Variants in RNF152 observed in about 807,000 individuals in gnomAD.
The protein encoded by RNF152 is ring finger protein 152.
A neutral mutation model predicts 12.7 loss-of-function variants in RNF152; 11 were observed. The observed-to-expected ratio is 0.86, with a 90% CI of 0.54 to 1.43. The LOEUF (loss-of-function observed/expected upper bound fraction) is 1.43, where lower values mean the gene tolerates loss of function less well. Among genes scored for constraint, RNF152 ranks in the 40% most tolerant of loss-of-function variants. The probability of loss-of-function intolerance (pLI) is 0.00; values close to 1 mark genes in which losing one functional copy is unlikely to be tolerated. For missense variants in RNF152, 255 were observed against 274.8 expected (o/e 0.93, Z 0.51); for synonymous variants, 113 against 120.3 (o/e 0.94, Z 0.40).
intron 1 of RNF152, among the ~76,000 whole-genome samples, chr18:61,818,226 C>A (rs1909208306): frequency 6.6e-6 from 1 of 152,072 alleles, no homozygotes; most frequent in African/African-American, 2.4e-5. Context: ...AGTTTGAGAC[C>A]AGCCTGGGCA....
intron 1 of RNF152, among the ~76,000 whole-genome samples, chr18:61,871,637 G>A (rs1248967744): frequency 6.6e-6 from 1 of 152,186 alleles, no homozygotes; most frequent in Non-Finnish European, 1.5e-5. Flanking sequence ...TCTGCAGGTT[G>A]TGGGATTGTA....
At chr18:61,892,138 A>G (rs942294671) in intron 1 of RNF152, among the ~76,000 whole-genome samples, 4 of 152,226 alleles carry the variant, frequency 2.6e-5, no homozygotes, top group South Asian at 2.1e-4. Context: ...AAAAGCCCCA[A>G]TAACCTAAAG....
chr18:61,840,364 A>T (rs1910396427), intron 1 of RNF152, among the ~76,000 whole-genome samples: 1 of 152,184 alleles, frequency 6.6e-6, no homozygotes, highest in South Asian at 2.1e-4. Flanking sequence ...AAGCCTCAAC[A>T]TCTGTAAAAT....
intron 1 of RNF152, among the ~76,000 whole-genome samples, chr18:61,848,327 A>T (rs1910826304): frequency 6.6e-6 from 1 of 152,152 alleles, no homozygotes; most frequent in African/African-American, 2.4e-5. Flanking sequence ...TGCTTCCACA[A>T]TTTTTCTAAC....
At chr18:61,886,661 A>G (rs980136809) in intron 1 of RNF152, among the ~76,000 whole-genome samples, 1 of 152,212 alleles carries the variant, frequency 6.6e-6, no homozygotes, top group Non-Finnish European at 1.5e-5. Flanking sequence ...GAAGGGTCCC[A>G]TTCACTGGAA....
chr18:61,887,736 T>C (rs1912764856), intron 1 of RNF152, among the ~76,000 whole-genome samples: 1 of 151,562 alleles, frequency 6.6e-6, no homozygotes, highest in Non-Finnish European at 1.5e-5. Flanking sequence ...GCTCCCTATT[T>C]CTACAGTATC....
intron 1 of RNF152, among the ~76,000 whole-genome samples, chr18:61,889,371 T>C (rs1291747073): frequency 8.5e-5 from 13 of 152,242 alleles, no homozygotes; most frequent in Admixed American, 8.5e-4. Flanking sequence ...ATTTATCAAA[T>C]CTTTAAAATG....
intron 1 of RNF152, among the ~76,000 whole-genome samples, chr18:61,869,101 T>C (rs1911870873): frequency 6.6e-6 from 1 of 152,200 alleles, no homozygotes; most frequent in Admixed American, 6.5e-5. Context: ...GATTGTTATA[T>C]AAAATTTCCT....
At chr18:61,862,650 G>C (rs1329267491) in intron 1 of RNF152, among the ~76,000 whole-genome samples, 1 of 152,168 alleles carries the variant, frequency 6.6e-6, no homozygotes, top group Non-Finnish European at 1.5e-5. Context: ...TCCACACCCT[G>C]TCCCCCACCC....
chr18:61,820,328 CACCAAA>C (rs1301140985), intron 1 of RNF152, among the ~76,000 whole-genome samples: 4 of 28,100 alleles, frequency 1.4e-4, no homozygotes, highest in Admixed American at 5.0e-4. Context: ...GACTCCGTCT[CACCAAA>C]AAAAAAAAAA....
intron 1 of RNF152, among the ~76,000 whole-genome samples, chr18:61,880,113 C>T (rs563171127): frequency 2.0e-5 from 3 of 152,272 alleles, no homozygotes; most frequent in East Asian, 3.9e-4. Flanking sequence ...ATTCACACCA[C>T]CTGACTTCAC....
At chr18:61,856,041 G>A (rs1911215143) in intron 1 of RNF152, among the ~76,000 whole-genome samples, 1 of 152,160 alleles carries the variant, frequency 6.6e-6, no homozygotes, top group Non-Finnish European at 1.5e-5. Context: ...CACTATCCTA[G>A]TCACATGAGT....
At chr18:61,847,388 T>A (rs1910785338) in intron 1 of RNF152, among the ~76,000 whole-genome samples, 1 of 152,228 alleles carries the variant, frequency 6.6e-6, no homozygotes, top group African/African-American at 2.4e-5. Flanking sequence ...AAAAAGAGGT[T>A]TGGTATTGTT....
chr18:61,873,823 T>C (rs55637496), intron 1 of RNF152, among the ~76,000 whole-genome samples: 1 of 152,342 alleles, frequency 6.6e-6, no homozygotes, highest in Non-Finnish European at 1.5e-5. Context: ...AAAGTGGACT[T>C]GTTTTCCGAG....
chr18:61,884,973 T>A (rs2144765251), intron 1 of RNF152, among the ~76,000 whole-genome samples: 1 of 152,394 alleles, frequency 6.6e-6, no homozygotes, highest in Admixed American at 6.5e-5. Context: ...GATGGATCTG[T>A]ACCTTCAGTT....
At chr18:61,817,698 A>C (rs1034090983) in intron 1 of RNF152, among the ~76,000 whole-genome samples, 2 of 151,656 alleles carry the variant, frequency 1.3e-5, no homozygotes, top group African/African-American at 4.8e-5. Context: ...CAAATATTCT[A>C]TAGTTAAAGG....
intron 1 of RNF152, among the ~76,000 whole-genome samples, chr18:61,859,750 G>A (rs1229597669): frequency 1.3e-5 from 2 of 152,042 alleles, no homozygotes; most frequent in African/African-American, 2.4e-5. Flanking sequence ...GTGGTGGCAG[G>A]CGCCTGTAAT....
intron 1 of RNF152, among the ~76,000 whole-genome samples, chr18:61,838,889 C>T (rs916402605): frequency 6.6e-6 from 1 of 152,046 alleles, no homozygotes; most frequent in East Asian, 1.9e-4. Flanking sequence ...ATCCCACCTG[C>T]CCTCTCATCC....
chr18:61,879,496 C>T (rs1912362269), intron 1 of RNF152, among the ~76,000 whole-genome samples: 1 of 152,070 alleles, frequency 6.6e-6, no homozygotes, highest in Non-Finnish European at 1.5e-5. Flanking sequence ...GTACTTATAG[C>T]TTTCCATCAC....
Sources: gnomAD v4.1 joint callset for allele counts (sites outside exome capture counted in the v4.1 genomes callset) on GRCh38, gnomAD v4.1.1 for gene constraint, MANE v1.5 for transcripts, NCBI Gene and HGNC (gene_info 2026-07-23, HGNC 2026-07-21) for gene names.